Variants in PPP6R3 observed in about 807,000 individuals in gnomAD.
PPP6R3 encodes serine/threonine-protein phosphatase 6 regulatory subunit 3.
Under a neutral mutation model 110.7 loss-of-function variants are expected in PPP6R3, and 38 were observed. That is an observed-to-expected ratio of 0.34 (90% CI 0.26 to 0.45). The LOEUF is 0.45. Among genes scored for constraint, PPP6R3 ranks in the 20% least tolerant of loss-of-function variants. PPP6R3 has a pLI of 1.00. For synonymous variants in PPP6R3, 369 were observed against 373.5 expected, an observed-to-expected ratio of 0.99 and a Z score of 0.14; for missense variants, 870 against 1,062.4, an observed-to-expected ratio of 0.82 and a Z score of 2.52.
chr11:68,500,629 C>T (rs1323218286), intron 1 of PPP6R3, among the ~76,000 whole-genome samples: 4 of 152,178 alleles, frequency 2.6e-5, no homozygotes, highest in Non-Finnish European at 2.9e-5. Context: ...AGGTACGTGC[C>T]ACCACGCCCG....
chr11:68,574,283 G>A (rs1387067513), intron 13 of PPP6R3, 59 bp downstream of exon 13: 2 of 1,376,550 alleles, frequency 1.5e-6, no homozygotes, highest in Non-Finnish European at 1.0e-6. Flanking sequence ...GGATTTAAGG[G>A]TCAAGTAGAA....
chr11:68,545,162 A>G (rs1359268626), intron 4 of PPP6R3, 138 bp downstream of exon 4: 1 of 550,428 alleles, frequency 1.8e-6, no homozygotes, highest in Non-Finnish European at 3.0e-6. Context: ...AACCTTAAAC[A>G]TTCTAAGCAC....
At chr11:68,598,818 A>G (rs1190362715) in intron 19 of PPP6R3, among the ~76,000 whole-genome samples, 1 of 152,228 alleles carries the variant, frequency 6.6e-6, no homozygotes, top group African/African-American at 2.4e-5. Flanking sequence ...GCAGGCAAAA[A>G]TAACTGTCAA....
chr11:68,559,070 C>T (rs545816340), intron 8 of PPP6R3, among the ~76,000 whole-genome samples: 5 of 152,308 alleles, frequency 3.3e-5, no homozygotes, highest in Admixed American at 6.5e-5. Context: ...CCATTCAGAA[C>T]GTCTCTCTGT....
At chr11:68,559,513 A>G (rs1367768987) in intron 8 of PPP6R3, among the ~76,000 whole-genome samples, 1 of 152,210 alleles carries the variant, frequency 6.6e-6, no homozygotes, top group Non-Finnish European at 1.5e-5. Context: ...TCAGCCATTC[A>G]GGGTTTCTGG....
intron 1 of PPP6R3, among the ~76,000 whole-genome samples, chr11:68,507,216 G>C (rs898061771): frequency 1.1e-4 from 15 of 140,022 alleles, no homozygotes; most frequent in Admixed American, 4.9e-4. Flanking sequence ...TACTTTGGGT[G>C]TTTTGTACTT....
At chr11:68,609,872 G>C (rs1942480221) in intron 22 of PPP6R3, 32 bp from the exon 23 acceptor site, 1 of 1,613,120 alleles carries the variant, frequency 6.2e-7, no homozygotes, top group African/African-American at 1.3e-5. Context: ...TCCCTAGGGT[G>C]TTTGATGTGC....
intron 13 of PPP6R3, 141 bp from the exon 14 acceptor site, chr11:68,575,817 A>G (rs986262653): frequency 1.2e-4 from 68 of 585,102 alleles, no homozygotes; most frequent in Non-Finnish European, 1.7e-4. Flanking sequence ...GCTGGCTGTC[A>G]CCCAGTTTCT....
chr11:68,481,592 G>T (rs1431415193), intron 1 of PPP6R3, among the ~76,000 whole-genome samples: 1 of 152,172 alleles, frequency 6.6e-6, no homozygotes, highest in Non-Finnish European at 1.5e-5. Flanking sequence ...TTGTTGTGAG[G>T]ATTAAAGATA....
At chr11:68,564,732 A>G (rs2099451653) in intron 9 of PPP6R3, among the ~76,000 whole-genome samples, 1 of 152,240 alleles carries the variant, frequency 6.6e-6, no homozygotes, top group Admixed American at 6.5e-5. Context: ...ATGTTTCAGG[A>G]AAAGCTAATC....
intron 8 of PPP6R3, among the ~76,000 whole-genome samples, chr11:68,563,308 C>G (rs1237016536): frequency 6.6e-6 from 1 of 152,158 alleles, no homozygotes; most frequent in Non-Finnish European, 1.5e-5. Flanking sequence ...CATTCCTCTT[C>G]CAGCTTCTAG....
At chr11:68,465,205 A>G (rs2098737359) in intron 1 of PPP6R3, among the ~76,000 whole-genome samples, 2 of 152,106 alleles carry the variant, frequency 1.3e-5, no homozygotes, top group Admixed American at 6.5e-5. Context: ...TTGTTTTAAT[A>G]AAGACCTATT....
chr11:68,483,825 C>T (rs947300381), intron 1 of PPP6R3, among the ~76,000 whole-genome samples: 9 of 152,168 alleles, frequency 5.9e-5, no homozygotes, highest in Non-Finnish European at 1.3e-4. Context: ...ATGTAGCCAC[C>T]ATTGTAGTAT....
At chr11:68,582,958 A>G in intron 14 of PPP6R3, 85 bp from the exon 15 acceptor site, 1 of 1,041,370 alleles carries the variant, frequency 9.6e-7, no homozygotes, top group South Asian at 1.5e-5. Context: ...GAAAAAAACT[A>G]AATGTGATTT....
chr11:68,543,581 T>C (rs2099330271), intron 3 of PPP6R3, among the ~76,000 whole-genome samples: 1 of 152,232 alleles, frequency 6.6e-6, no homozygotes, highest in South Asian at 2.1e-4. Flanking sequence ...TTGCCTTGGA[T>C]GCCCCAGGTG....
intron 14 of PPP6R3, among the ~76,000 whole-genome samples, chr11:68,581,840 G>A (rs2099555851): frequency 6.6e-6 from 1 of 152,216 alleles, no homozygotes; most frequent in African/African-American, 2.4e-5. Flanking sequence ...GAATGGGAGT[G>A]CTTTATCTAT....
intron 16 of PPP6R3, among the ~76,000 whole-genome samples, chr11:68,588,616 C>T (rs1233646370): frequency 1.3e-5 from 2 of 151,722 alleles, no homozygotes; most frequent in African/African-American, 2.4e-5. Flanking sequence ...CGCCACCGCA[C>T]CTGGCTAATT....
At position 68,614,327 on chromosome 11, in the gene PPP6R3, A is replaced by G. The variant is rs1944773118; in HGVS notation, c.*1210A>G. Reference sequence around the variant, plus strand: ...ACAAAAATACATCACAGCCTTCTCAAACAGCTCAAGCAATATATTGTATAT... The same window carrying G: ...ACAAAAATACATCACAGCCTTCTCAGACAGCTCAAGCAATATATTGTATAT... On this transcript the variant is annotated 3_prime_UTR_variant, in exon 24 of 24. Coordinates refer to ENST00000393800, the MANE Select transcript of PPP6R3 (RefSeq NM_001164161.2). The G allele has an allele frequency of 1.8e-6, 2 of 1,087,136 alleles. No homozygotes were observed. Among genetic ancestry groups the G allele is most frequent in the African/African-American group, 3.4e-5 (2 of 58,844 alleles). The allele number at this position is 1,087,136 out of a possible 1,614,324, so 67.3% of individuals were successfully genotyped here.
chr11:68,567,005 C>T lies in PPP6R3; in HGVS notation c.976-9C>T. The T allele has an allele frequency of 6.5e-7, 1 of 1,534,936 alleles. No homozygotes were observed. Among genetic ancestry groups the T allele is most frequent in the Non-Finnish European group, 8.8e-7 (1 of 1,141,070 alleles). On this transcript the variant is annotated splice_polypyrimidine_tract_variant and intron_variant, in intron 9 of 23. Transcript: ENST00000393800. ...ACTGAATTTAATTGGAAAGCTTTTT[C>T]TTCTTCAGAAAAGTGTGATGAAGAC...
Sources: allele counts gnomAD v4.1 joint callset (sites outside exome capture counted in the v4.1 genomes callset), GRCh38; gene constraint gnomAD v4.1.1; transcripts MANE v1.5; gene names NCBI Gene and HGNC (gene_info 2026-07-23, HGNC 2026-07-21).